Variants in BCL2L11 observed in about 807,000 individuals in gnomAD.
The protein encoded by BCL2L11 is bcl-2-like protein 11.
Under a neutral mutation model 20.6 loss-of-function variants are expected in BCL2L11, and 15 were observed. The ratio of observed to expected loss-of-function variants is 0.73; its 90% confidence interval spans 0.49 to 1.12. The LOEUF is 1.12. Among genes scored for constraint, BCL2L11 ranks in the 50% most tolerant of loss-of-function variants. The pLI, the probability that BCL2L11 is intolerant of heterozygous loss-of-function variation, is 0.00. For synonymous variants in BCL2L11, 108 were observed against 92.8 expected (o/e 1.16, Z -0.94); for missense variants, 292 against 260.9 (o/e 1.12, Z -0.82).
intron 3 of BCL2L11, chr2:111,151,926 A>G: frequency 1.3e-6 from 2 of 1,483,952 alleles, no homozygotes; most frequent in South Asian, 2.4e-5. Context: ...TGGTTTTATA[A>G]CTTGTCACTG....
At chr2:111,137,085 A>G (rs1292215821) in intron 2 of BCL2L11, among the ~76,000 whole-genome samples, 3 of 152,138 alleles carry the variant, frequency 2.0e-5, no homozygotes, top group Non-Finnish European at 4.4e-5. Flanking sequence ...TTCCGATTTT[A>G]TATGCCTTAG....
At chr2:111,128,813 TTGG>T in intron 2 of BCL2L11, 1 of 1,473,552 alleles carries the variant, frequency 6.8e-7, no homozygotes, top group Non-Finnish European at 9.0e-7. Context: ...CATATGGTCA[TTGG>T]TGATTAAATA....
chr2:111,123,285 A>G, intron 1 of BCL2L11: 3 of 985,344 alleles, frequency 3.0e-6, no homozygotes, highest in Non-Finnish European at 3.6e-6. Flanking sequence ...TTTTCGGCAA[A>G]CAATGGGGCC....
chr2:111,159,683 T>C lies in BCL2L11; in HGVS notation c.499-4450T>C, dbSNP rs539253187. ...GAATGTCATTAAATTCCCTGACACT[T>C]AATTGGTCGTCCCAAGTGTAAATTG... On this transcript the variant is annotated intron_variant, in intron 3 of 3. Coordinates refer to ENST00000393256, the MANE Select transcript of BCL2L11 (RefSeq NM_138621.5). Among the ~76,000 whole-genome samples, 3 of 152,346 alleles carry C rather than the reference T, an allele frequency of 2.0e-5. No homozygotes were observed. The South Asian group carries it at 6.2e-4, about 32-fold the overall frequency.
At chr2:111,128,737 A>G (rs1466016593) in intron 2 of BCL2L11, 4 of 1,548,080 alleles carry the variant, frequency 2.6e-6, no homozygotes, top group Non-Finnish European at 3.5e-6. Context: ...ACTCAACCAC[A>G]AGGATTTCTC....
rs2079100335 is a variant in BCL2L11 at position 111,167,877 on chromosome 2, G to C, written c.*3646G>C. 1 of 152,742 alleles carries C rather than the reference G, an allele frequency of 6.5e-6. No homozygotes were observed. The highest frequency in any genetic ancestry group is 6.5e-5 in the Admixed American group (1 of 15,288). 9.5% of individuals were successfully genotyped at this position (152,742 alleles called of 1,614,324 possible). A position where few individuals can be genotyped will look rare whatever the true frequency, so the allele number is the denominator to read the frequency against. On this transcript the variant is annotated 3_prime_UTR_variant, in exon 4 of 4. Coordinates refer to ENST00000393256, the MANE Select transcript of BCL2L11 (RefSeq NM_138621.5). ...TCCATCTCCTTCAGGGGAGGTTGGG[G>C]CCCCACTGGACTGGGTGTCAAGATG...
intron 2 of BCL2L11, among the ~76,000 whole-genome samples, chr2:111,126,703 G>T (rs1241480313): frequency 6.6e-6 from 1 of 152,144 alleles, no homozygotes; most frequent in African/African-American, 2.4e-5. Flanking sequence ...ACTTTGTTTA[G>T]TATTCTTTAC....
intron 3 of BCL2L11, among the ~76,000 whole-genome samples, chr2:111,156,757 C>A (rs1462540072): frequency 6.6e-6 from 1 of 152,048 alleles, no homozygotes; most frequent in African/African-American, 2.4e-5. Flanking sequence ...CTTTAGGAGG[C>A]CAATTGTCTG....
chr2:111,138,434 C>G (rs964116074), intron 2 of BCL2L11, among the ~76,000 whole-genome samples: 1 of 152,070 alleles, frequency 6.6e-6, no homozygotes. Flanking sequence ...TAATTTTAAT[C>G]TTTGTTTTTG....
chr2:111,121,008 C>T lies in BCL2L11; in HGVS notation c.-194C>T. The T allele has an allele frequency of 2.5e-6, 1 of 405,320 alleles. No homozygotes were observed. The allele number at this position is 405,320 out of a possible 1,614,324, so 25.1% of individuals were successfully genotyped here. A position where few individuals can be genotyped will look rare whatever the true frequency, so the allele number is the denominator to read the frequency against. ...GCCGCCGCCGCCGCCGCCGCCGCCG[C>T]CGCCGCCGCCGCCACTACCACCACT... On this transcript the variant is annotated 5_prime_UTR_variant, in exon 1 of 4. Transcript: ENST00000393256.
chr2:111,128,938 T>C, intron 2 of BCL2L11: 1 of 1,035,436 alleles, frequency 9.7e-7, no homozygotes, highest in Non-Finnish European at 1.3e-6. Context: ...CTAAACAGGC[T>C]GGCCTCACAG....
chr2:111,122,950 A>C, intron 1 of BCL2L11: 2 of 984,998 alleles, frequency 2.0e-6, no homozygotes, highest in Non-Finnish European at 2.4e-6. Flanking sequence ...TTGCCTTCTG[A>C]GGGGAGGGTC....
intron 2 of BCL2L11, among the ~76,000 whole-genome samples, chr2:111,141,422 C>T (rs893160459): frequency 6.7e-6 from 1 of 149,364 alleles, no homozygotes; most frequent in South Asian, 2.1e-4. Flanking sequence ...GAACAAAAAA[C>T]CAAACACTGC....
In BCL2L11 at chr2:111,142,111, A is replaced by C. The variant is rs868297112; in HGVS notation, c.395-7933A>C. Among the ~76,000 whole-genome samples, 16 of 152,314 alleles carry C rather than the reference A, an allele frequency of 1.1e-4. No individual in the cohort carries two copies. The Middle Eastern group carries it at 0.017, about 162-fold the overall frequency. On this transcript the variant is annotated intron_variant, in intron 2 of 3. Transcript: ENST00000393256. ...GAAAGTGGGGGCATCAGGGAGGAGG[A>C]GGAATGTGTGAACCTAAACACATGG...
chr2:111,154,177 A>G (rs1575164697), intron 3 of BCL2L11, among the ~76,000 whole-genome samples: 1 of 152,208 alleles, frequency 6.6e-6, no homozygotes, highest in African/African-American at 2.4e-5. Flanking sequence ...AACTACAGAC[A>G]TGATACTGCT....
At chr2:111,130,177 T>G (rs113135335) in intron 2 of BCL2L11, 27,641 of 352,392 alleles carry the variant, frequency 0.078, 1,438 homozygotes, top group Non-Finnish European at 0.1. Context: ...CGATCTTGGC[T>G]CACTGCAACC....
chr2:111,136,689 G>T (rs2150364615), intron 2 of BCL2L11, among the ~76,000 whole-genome samples: 1 of 152,330 alleles, frequency 6.6e-6, no homozygotes, highest in African/African-American at 2.4e-5. Flanking sequence ...TAGAAAATGT[G>T]AGGGTTTCTC....
At chr2:111,138,813 T>C (rs1275188125) in intron 2 of BCL2L11, among the ~76,000 whole-genome samples, 1 of 152,180 alleles carries the variant, frequency 6.6e-6, no homozygotes, top group Non-Finnish European at 1.5e-5. Context: ...GCAGTGAGTC[T>C]GTCTGAGCTT....
intron 2 of BCL2L11, among the ~76,000 whole-genome samples, chr2:111,135,815 T>C (rs1201763854): frequency 6.6e-6 from 1 of 152,108 alleles, no homozygotes; most frequent in African/African-American, 2.4e-5. Context: ...TGCTGTTTAG[T>C]AGAGGTGGAG....
Sources: gnomAD v4.1 joint callset for allele counts (sites outside exome capture counted in the v4.1 genomes callset) on GRCh38, gnomAD v4.1.1 for gene constraint, MANE v1.5 for transcripts, NCBI Gene and HGNC (gene_info 2026-07-23, HGNC 2026-07-21) for gene names.